Variants in PCDH15 observed in about 807,000 individuals in gnomAD.
The protein encoded by PCDH15 is protocadherin related 15, also known as protocadherin-15.
A neutral mutation model predicts 178.5 loss-of-function variants in PCDH15; 129 were observed. The ratio of observed to expected loss-of-function variants is 0.72; its 90% CI spans 0.63 to 0.84. The LOEUF (loss-of-function observed/expected upper bound fraction) is 0.84. Among genes scored for constraint, PCDH15 ranks in the 40% least tolerant of loss-of-function variants. The pLI is 0.00. For synonymous variants in PCDH15, 800 were observed against 732.0 expected, an observed-to-expected ratio of 1.09 and a Z score of -1.50; for missense variants, 2,230 against 2,099.9, an observed-to-expected ratio of 1.06 and a Z score of -1.21.
intron 2 of PCDH15, among the ~76,000 whole-genome samples, chr10:55,613,588 GTGAT>G (rs1372772294): frequency 6.6e-6 from 1 of 152,132 alleles, no homozygotes; most frequent in Non-Finnish European, 1.5e-5. Context: ...ATAATCATTT[GTGAT>G]AATGGTGACA....
intron 2 of PCDH15, among the ~76,000 whole-genome samples, chr10:55,546,579 A>T (rs968870350): frequency 2.0e-5 from 3 of 152,184 alleles, no homozygotes; most frequent in Non-Finnish European, 2.9e-5. Flanking sequence ...TTTATTTACC[A>T]ATATAACACA....
intron 2 of PCDH15, among the ~76,000 whole-genome samples, chr10:55,399,352 A>G (rs1320557050): frequency 2.6e-5 from 4 of 152,178 alleles, no homozygotes; most frequent in African/African-American, 7.2e-5. Context: ...AAACACTACA[A>G]TTTATGCTAT....
chr10:54,352,884 A>G (rs1453819218), intron 5 of PCDH15, among the ~76,000 whole-genome samples: 1 of 152,124 alleles, frequency 6.6e-6, no homozygotes, highest in Non-Finnish European at 1.5e-5. Context: ...TTCATCCTTT[A>G]ACTTTCTCCC....
chr10:55,497,354 T>C (rs1439625657), intron 2 of PCDH15, among the ~76,000 whole-genome samples: 2 of 151,766 alleles, frequency 1.3e-5, no homozygotes, highest in African/African-American at 4.8e-5. Flanking sequence ...ATGCTTGAAC[T>C]CTTGAGCATA....
chr10:54,570,108 T>A (rs2089606027), intron 2 of PCDH15, among the ~76,000 whole-genome samples: 1 of 151,796 alleles, frequency 6.6e-6, no homozygotes, highest in Non-Finnish European at 1.5e-5. Flanking sequence ...GTCTCGGGAG[T>A]ATGTAATTGT....
chr10:53,946,680 T>C (rs2086602541), intron 23 of PCDH15, among the ~76,000 whole-genome samples: 1 of 152,238 alleles, frequency 6.6e-6, no homozygotes, highest in Admixed American at 6.5e-5. Context: ...AAGTAAATAT[T>C]TGCAGATTAA....
intron 20 of PCDH15, among the ~76,000 whole-genome samples, chr10:54,018,666 A>G (rs1407228351): frequency 6.6e-6 from 1 of 152,124 alleles, no homozygotes; most frequent in Non-Finnish European, 1.5e-5. Context: ...TAGCGACTAT[A>G]TGAAGCATGA....
intron 3 of PCDH15, among the ~76,000 whole-genome samples, chr10:54,809,644 A>C (rs1952832535): frequency 6.6e-6 from 1 of 152,156 alleles, no homozygotes; most frequent in Non-Finnish European, 1.5e-5. Flanking sequence ...ATGTTTATTT[A>C]TTCAATATTG....
At chr10:55,371,174 TA>T (rs1324548607) in intron 2 of PCDH15, among the ~76,000 whole-genome samples, 2 of 152,018 alleles carry the variant, frequency 1.3e-5, no homozygotes, top group Non-Finnish European at 2.9e-5. Flanking sequence ...GAGTATAGAT[TA>T]AAAGGATGAG....
chr10:55,117,816 G>A (rs536580652), intron 2 of PCDH15, among the ~76,000 whole-genome samples: 2 of 152,096 alleles, frequency 1.3e-5, no homozygotes, highest in South Asian at 4.1e-4. Flanking sequence ...GCTCTACAGA[G>A]GTCAATTTTG....
chr10:54,099,944 T>A (rs1305277497), intron 15 of PCDH15, among the ~76,000 whole-genome samples: 4 of 152,168 alleles, frequency 2.6e-5, no homozygotes, highest in Non-Finnish European at 5.9e-5. Context: ...CTAGCATGTA[T>A]CCCTAGACAT....
At chr10:55,509,590 T>C (rs1840834489) in intron 2 of PCDH15, among the ~76,000 whole-genome samples, 1 of 151,934 alleles carries the variant, frequency 6.6e-6, no homozygotes, top group Non-Finnish European at 1.5e-5. Flanking sequence ...TCCCATTAAA[T>C]TAATTGTACC....
chr10:53,878,351 CTATATA>C (rs1296539501), intron 26 of PCDH15, among the ~76,000 whole-genome samples: 4 of 135,254 alleles, frequency 3.0e-5, no homozygotes, highest in Non-Finnish European at 4.6e-5. Flanking sequence ...ATATAATAGA[CTATATA>C]TACTCATATA....
chr10:54,757,918 G>A (rs1053627776), intron 1 of PCDH15, among the ~76,000 whole-genome samples: 1 of 152,058 alleles, frequency 6.6e-6, no homozygotes, highest in Non-Finnish European at 1.5e-5. Context: ...GTCTTATTGG[G>A]TCTCTGAATA....
intron 1 of PCDH15, among the ~76,000 whole-genome samples, chr10:55,280,833 T>A (rs959997610): frequency 6.6e-6 from 1 of 152,200 alleles, no homozygotes; most frequent in Non-Finnish European, 1.5e-5. Context: ...CAACTCAATA[T>A]TAAACCATGT....
chr10:54,426,196 A>G (rs1171532496), intron 3 of PCDH15, among the ~76,000 whole-genome samples: 1 of 152,162 alleles, frequency 6.6e-6, no homozygotes, highest in Admixed American at 6.5e-5. Flanking sequence ...CATCTAAGAC[A>G]TCTTCGAATT....
intron 2 of PCDH15, among the ~76,000 whole-genome samples, chr10:55,543,525 C>G (rs547052380): frequency 2.7e-4 from 41 of 151,224 alleles, no homozygotes; most frequent in Non-Finnish European, 4.1e-4. Flanking sequence ...GATTGCTAAC[C>G]CTAGTCAGAA....
At chr10:54,303,702 T>G (rs2060288932) in intron 8 of PCDH15, among the ~76,000 whole-genome samples, 1 of 152,144 alleles carries the variant, frequency 6.6e-6, no homozygotes, top group Admixed American at 6.6e-5. Context: ...ATTTATAACC[T>G]AAGTATACAG....
At chr10:53,976,980 GCTAA>G (rs1016337841) in intron 21 of PCDH15, among the ~76,000 whole-genome samples, 22 of 150,828 alleles carry the variant, frequency 1.5e-4, no homozygotes, top group Non-Finnish European at 2.7e-4. Flanking sequence ...GTCATGACTG[GCTAA>G]CTGAGTCCCT....
Sources: gnomAD v4.1 joint callset for allele counts (sites outside exome capture counted in the v4.1 genomes callset) on GRCh38, gnomAD v4.1.1 for gene constraint, MANE v1.5 for transcripts, NCBI Gene and HGNC (gene_info 2026-07-23, HGNC 2026-07-21) for gene names.